The following RNF19B variants were observed in gnomAD, a reference collection of about 807,000 sequenced individuals.
RNF19B encodes ring finger protein 19B, also known as E3 ubiquitin-protein ligase RNF19B.
RNF19B carries 23 observed loss-of-function variants against 65.5 expected under a neutral mutation model. The observed-to-expected ratio is 0.35, with a 90% CI of 0.25 to 0.50. RNF19B has a LOEUF of 0.50. Among genes scored for constraint, RNF19B ranks in the 20% least tolerant of loss-of-function variants. The pLI, the probability that RNF19B is intolerant of heterozygous loss-of-function variation, is 0.98. For missense variants in RNF19B, 794 were observed against 980.0 expected (o/e 0.81, Z 2.53); for synonymous variants, 372 against 379.6 (o/e 0.98, Z 0.23).
Position 32,938,436 on chromosome 1 carries a change from A to AT in RNF19B, c.1702dup (p.Met568AsnfsTer26). 1 of 1,614,220 alleles carries AT rather than the reference A, an allele frequency of 6.2e-7. No individual in the cohort carries two copies. The highest frequency in any genetic ancestry group is 8.5e-7 in the Non-Finnish European group (1 of 1,180,042). On this transcript the variant is annotated frameshift_variant, in exon 8 of 9. Coordinates refer to ENST00000235150, the MANE Select transcript of RNF19B (RefSeq NM_001300826.2). LOFTEE classifies it high-confidence loss of function. ...GTAGGAACTGATTATGGAACCGGCC[A>AT]TAGCACGAGTGCTTGCGTTGTCACT...
intron 1 of RNF19B, among the ~76,000 whole-genome samples, chr1:32,951,200 G>T (rs915364987): frequency 2.0e-5 from 3 of 152,144 alleles, no homozygotes; most frequent in Non-Finnish European, 2.9e-5. Flanking sequence ...AATATAAAAA[G>T]AAATGAAGCA....
At chr1:32,954,003 G>A (rs1258916287) in intron 1 of RNF19B, among the ~76,000 whole-genome samples, 1 of 149,710 alleles carries the variant, frequency 6.7e-6, no homozygotes, top group African/African-American at 2.5e-5. Context: ...CTGCCTCCTG[G>A]GTTCAAGCGA....
the RNF19B span, among the ~76,000 whole-genome samples, chr1:32,929,889 A>G: frequency 6.6e-6 from 1 of 152,142 alleles, no homozygotes; most frequent in Non-Finnish European, 1.5e-5. Context: ...ATCTCTACTG[A>G]TATCAGGGAT....
At position 32,964,138 on chromosome 1, in the gene RNF19B, G is replaced by A. The variant is rs372089587; in HGVS notation, c.548C>T (p.Pro183Leu). ...HDIRLLLADP[P>L]LMHKYEEFML... ...GAACTCCTCGTACTTGTGCATAAGCGGCGGGTCGGCGAGCAGCAAGCGGAT... is the reference window on the plus strand; with the variant it reads ...GAACTCCTCGTACTTGTGCATAAGCAGCGGGTCGGCGAGCAGCAAGCGGAT... The change falls in exon 1 of 9, where the codon CCG becomes CTG. Residue 183 changes from proline (P) to leucine (L), a missense_variant. Around this residue, in one of 3 missense-constraint regions of RNF19B, gnomAD observed 374 missense variants for 423.8 expected, o/e 0.88. Coordinates refer to ENST00000235150, the MANE Select transcript of RNF19B (RefSeq NM_001300826.2). This position sits in a 1 kb window ranked among gnomAD's most constrained non-coding sequence, Gnocchi z 6.5. 3 of 1,544,204 alleles carry A rather than the reference G, an allele frequency of 1.9e-6. No homozygotes were observed. Among genetic ancestry groups the A allele is most frequent in the African/African-American group, 1.4e-5 (1 of 71,894 alleles).
At chr1:32,942,220 C>T (rs1456682197) in intron 7 of RNF19B, 32 bp downstream of exon 7, 15 of 1,548,988 alleles carry the variant, frequency 9.7e-6, no homozygotes, top group Middle Eastern at 1.7e-4. Context: ...ATAATTCTAA[C>T]CATTTCTGTC....
downstream of RNF19B, among the ~76,000 whole-genome samples, chr1:32,932,389 A>G (rs890133153): frequency 2.0e-5 from 3 of 152,226 alleles, no homozygotes; most frequent in Non-Finnish European, 4.4e-5. Context: ...GCAATAGCCA[A>G]AGTAGCTAAA....
intron 1 of RNF19B, among the ~76,000 whole-genome samples, chr1:32,950,996 T>C (rs969816890): frequency 1.3e-5 from 2 of 152,086 alleles, no homozygotes; most frequent in Non-Finnish European, 2.9e-5. Flanking sequence ...TGCATCACCA[T>C]GCGCAGCTAA....
Position 32,964,060 on chromosome 1 carries a change from G to C in RNF19B, c.626C>G (p.Pro209Arg), listed in dbSNP as rs1281812129. The change falls in exon 1 of 9, where the codon CCG (proline) becomes CGG (arginine). Residue 209 changes from proline (P) to arginine (R), a missense_variant. This residue lies in a region of RNF19B where 374 missense variants were observed against 423.8 expected (regional missense o/e 0.88). Transcript: ENST00000235150. This position sits in a 1 kb window ranked among gnomAD's most constrained non-coding sequence, Gnocchi z 6.5. ...ACGCCCCCGCGCTCACCCGCAGTCC[G>C]GGGCCGGGCACCAGCGGCAGTCGGG... is the stretch of plus-strand genomic sequence containing the variant. ...SDPDCRWCPA[P>R]DCGYAVIAYG... is the part of the protein sequence containing the mutation. 4 of 1,509,610 alleles carry C rather than the reference G, an allele frequency of 2.6e-6. No individual in the cohort carries two copies. The highest frequency in any genetic ancestry group is 3.5e-6 in the Non-Finnish European group (4 of 1,129,554). 93.5% of individuals were successfully genotyped at this position (1,509,610 alleles called of 1,614,324 possible).
chr1:32,959,699 CTTGTT>C (rs1642723906), intron 1 of RNF19B, among the ~76,000 whole-genome samples: 1 of 152,000 alleles, frequency 6.6e-6, no homozygotes, highest in Non-Finnish European at 1.5e-5. Context: ...CATTTGACAG[CTTGTT>C]TTAAGATTAT....
downstream of RNF19B, among the ~76,000 whole-genome samples, chr1:32,934,890 A>T (rs1018078664): frequency 2.0e-5 from 3 of 151,512 alleles, no homozygotes; most frequent in Non-Finnish European, 4.4e-5. Context: ...TGGAGTGCAA[A>T]GGCGCGATCT....
chr1:32,956,033 C>T (rs1470361436), intron 1 of RNF19B, among the ~76,000 whole-genome samples: 1 of 152,154 alleles, frequency 6.6e-6, no homozygotes, highest in Admixed American at 6.5e-5. Flanking sequence ...AGTTCAAGAC[C>T]AGCCAGGGCA....
At chr1:32,934,438 T>G (rs112175268), downstream of RNF19B, among the ~76,000 whole-genome samples, 1,392 of 152,224 alleles carry the variant, frequency 9.1e-3, 20 homozygotes, top group African/African-American at 0.032. Flanking sequence ...CCCAGCACTT[T>G]AGGAGGCTGA....
Position 32,936,989 on chromosome 1 carries a change from T to G in RNF19B, c.2013A>C (p.Ala671=). 1 of 1,614,164 alleles carries G rather than the reference T, an allele frequency of 6.2e-7. No individual in the cohort carries two copies. Among genetic ancestry groups the G allele is most frequent in the Non-Finnish European group, 8.5e-7 (1 of 1,180,028 alleles). ...TGATGTCTGGCACATCGTCTGACTGTGCATCAGAACTCTCTAGGTCACTGC... is the reference window on the plus strand; with the variant it reads ...TGATGTCTGGCACATCGTCTGACTGGGCATCAGAACTCTCTAGGTCACTGC... ...SIRSDLESSD[A]QSDDVPDITS... Residue 671 remains alanine (A), a synonymous_variant, in exon 9 of 9, where the codon GCA becomes GCC. Transcript: ENST00000235150.
Position 32,964,749 on chromosome 1 carries a change from TCAGCCAGCGCCCGGCCGCCG to T in RNF19B, c.-84_-65del. On this transcript the variant is annotated 5_prime_UTR_variant, in exon 1 of 9. Transcript: ENST00000235150. This position sits in a 1 kb window ranked among gnomAD's most constrained non-coding sequence, Gnocchi z 6.5. ...GCCACAGCTCCCGCCTCAGCGCCCCTCAGCCAGCGCCCGGCCGCCGCCGACGCCGCCACCACCGCCTCAAC... is the reference window on the plus strand; with the variant it reads ...GCCACAGCTCCCGCCTCAGCGCCCCTCCGACGCCGCCACCACCGCCTCAAC... The T allele has an allele frequency of 7.7e-7, 1 of 1,299,306 alleles. No individual in the cohort carries two copies. Among genetic ancestry groups the T allele is most frequent in the Non-Finnish European group, 9.8e-7 (1 of 1,023,802 alleles). 80.5% of individuals were successfully genotyped at this position (1,299,306 alleles called of 1,614,324 possible).
At chr1:32,955,635 GCTA>G (rs1434367749) in intron 1 of RNF19B, among the ~76,000 whole-genome samples, 6 of 151,766 alleles carry the variant, frequency 4.0e-5, no homozygotes, top group African/African-American at 1.5e-4. Context: ...TGTAGTCCCA[GCTA>G]CTCAGGAGGC....
chr1:32,949,574 C>A lies in RNF19B; in HGVS notation c.836G>T (p.Gly279Val), dbSNP rs758339226. ...GAGATAATGCCAACTTATACCTGGT[C>A]CAGATTCTTGCCCATAACTGAGACC... ...TSGLSYGQES[G>V]PDDIKPCPRC... The change falls in exon 2 of 9, where the codon GGA becomes GTA. Residue 279 changes from glycine to valine, a missense_variant. Coordinates refer to ENST00000235150, the MANE Select transcript of RNF19B (RefSeq NM_001300826.2). 3.0e-5 allele frequency: 49 copies of A among 1,613,834 alleles called. No individual in the cohort carries two copies. The South Asian group carries it at 4.8e-4, about 16-fold the overall frequency.
rs1642842024 is a variant in RNF19B at position 32,964,175 on chromosome 1, T to G, written c.511A>C (p.Asn171His). ...AGCAGCAAGCGGATGTCGTGCGGGT[T>G]GAGTCGCTCGCTGCACTCGGGGCAG... ...ISCPECSERL[N>H]PHDIRLLLAD... The change falls in exon 1 of 9, where the codon AAC becomes CAC. Residue 171 changes from asparagine (N) to histidine (H), a missense_variant. Physicochemically the swap from Asn to His is moderately conservative, Grantham distance 68. Coordinates refer to ENST00000235150, the MANE Select transcript of RNF19B (RefSeq NM_001300826.2). This position sits in a 1 kb window ranked among gnomAD's most constrained non-coding sequence, Gnocchi z 6.5. 6.5e-7 allele frequency: 1 copy of G among 1,545,686 alleles called. No homozygotes were observed. The highest frequency in any genetic ancestry group is 1.4e-5 in the African/African-American group (1 of 72,118).
In RNF19B at chr1:32,964,805, G is replaced by A; in HGVS notation, c.-120C>T. On this transcript the variant is annotated 5_prime_UTR_variant, in exon 1 of 9. Transcript: ENST00000235150. This position sits in a 1 kb window ranked among gnomAD's most constrained non-coding sequence, Gnocchi z 6.5. ...CACCACCGCCTCAACCGCCCTCCCG[G>A]CGATAGAAGCCGAGCGGCAACGACG... 1.0e-6 allele frequency: 1 copy of A among 992,238 alleles called. No individual in the cohort carries two copies. 61.5% of individuals were successfully genotyped at this position (992,238 alleles called of 1,614,324 possible). A position where few individuals can be genotyped will look rare whatever the true frequency, so the allele number is the denominator to read the frequency against.
chr1:32,964,205 T>C lies in RNF19B; in HGVS notation c.481A>G (p.Ile161Val), dbSNP rs1473518436. ...RLEISESRVP[I>V]SCPECSERLN... The stretch of plus-strand genomic sequence containing the variant: ...CGCTCGCTGCACTCGGGGCAGCTGA[T>C]GGGCACCCTGCTCTCGCTTATCTCC... Residue 161 changes from isoleucine to valine, a missense_variant, in exon 1 of 9, where the codon ATC becomes GTC. Around this residue, in one of 3 missense-constraint regions of RNF19B, gnomAD observed 374 missense variants for 423.8 expected, o/e 0.88. Transcript: ENST00000235150. This position sits in a 1 kb window ranked among gnomAD's most constrained non-coding sequence, Gnocchi z 6.5. 1.3e-6 allele frequency: 2 copies of C among 1,546,636 alleles called. No individual in the cohort carries two copies. Among genetic ancestry groups the C allele is most frequent in the East Asian group, 5.0e-5 (2 of 40,190 alleles).
Sources: allele counts gnomAD v4.1 joint callset (sites outside exome capture counted in the v4.1 genomes callset), GRCh38; gene constraint gnomAD v4.1.1; regional missense constraint gnomAD v4.1.1; non-coding constraint Gnocchi (gnomAD v3.1); transcripts MANE v1.5; gene names NCBI Gene and HGNC (gene_info 2026-07-23, HGNC 2026-07-21).